Variants in CBLB observed in about 807,000 individuals in gnomAD.
CBLB encodes the protein Cbl proto-oncogene B.
In CBLB, 31 loss-of-function variants were observed where a neutral mutation model predicts 104.9. The ratio of observed to expected loss-of-function variants is 0.30; its 90% CI spans 0.22 to 0.40. CBLB has a LOEUF of 0.40. Ranked by LOEUF, CBLB falls within the 10% of genes least tolerant of loss-of-function variation. The probability of loss-of-function intolerance (pLI) is 1.00; values close to 1 mark genes in which losing one functional copy is unlikely to be tolerated. For missense variants in CBLB, 1,062 were observed against 1,214.6 expected, an observed-to-expected ratio of 0.87 and a Z score of 1.87; for synonymous variants, 440 against 422.6, an observed-to-expected ratio of 1.04 and a Z score of -0.51.
intron 3 of CBLB, among the ~76,000 whole-genome samples, chr3:105,792,546 T>A (rs1443697935): frequency 1.3e-5 from 2 of 152,174 alleles, no homozygotes; most frequent in Non-Finnish European, 2.9e-5. Context: ...CTTTTCACAT[T>A]TGTAAATATC....
chr3:105,725,623 C>G (rs1045385046), intron 9 of CBLB, among the ~76,000 whole-genome samples: 3 of 152,156 alleles, frequency 2.0e-5, no homozygotes, highest in African/African-American at 7.2e-5. Flanking sequence ...ACTCTCGCAG[C>G]TTCTTTATTA....
chr3:105,850,309 T>C (rs1300443618), intron 3 of CBLB, among the ~76,000 whole-genome samples: 1 of 152,096 alleles, frequency 6.6e-6, no homozygotes, highest in African/African-American at 2.4e-5. Context: ...CCAGTATTCA[T>C]AGAAAATTTA....
rs1382364837 is a variant in CBLB at position 105,702,857 on chromosome 3, G to GT, written c.1594-399dup. 1.2e-4 allele frequency among the ~76,000 whole-genome samples: 18 copies of GT among 152,196 alleles called. 1 individual carries two copies. Among genetic ancestry groups the GT allele is most frequent in the East Asian group, 7.7e-4 (4 of 5,184 alleles). On this transcript the variant is annotated intron_variant, in intron 11 of 18. Coordinates refer to ENST00000394030, the MANE Select transcript of CBLB (RefSeq NM_170662.5). ...GTCATGGTTTCAGTTTTTTTAAAGA[G>GT]TAACTTGATTTGTAATATTTGTAAT...
intron 9 of CBLB, among the ~76,000 whole-genome samples, chr3:105,729,655 G>A (rs1384835550): frequency 6.6e-6 from 1 of 152,014 alleles, no homozygotes; most frequent in Non-Finnish European, 1.5e-5. Flanking sequence ...GCAATATTTT[G>A]TGGAACTATG....
rs752277437 is a variant in CBLB, at chr3:105,868,921, A to G, written c.-200T>C. 1.0e-4 allele frequency: 103 copies of G among 1,016,138 alleles called. No individual in the cohort carries two copies. The highest frequency in any genetic ancestry group is 3.6e-4 in the Admixed American group (6 of 16,732). The allele number at this position is 1,016,138 out of a possible 1,614,324, so 62.9% of individuals were successfully genotyped here. ...GAAACGCAACAATTACCGTCAAGAC[A>G]AATCCACACCCGCTCTCCCCTCCCG... On this transcript the variant is annotated 5_prime_UTR_variant, in exon 1 of 19. Transcript: ENST00000394030.
chr3:105,824,570 C>T (rs1289736639), intron 3 of CBLB, among the ~76,000 whole-genome samples: 2 of 152,044 alleles, frequency 1.3e-5, no homozygotes, highest in East Asian at 3.9e-4. Flanking sequence ...TGCAATCTCC[C>T]CACTCTGGGC....
rs555019049 is a variant in CBLB, at chr3:105,768,560, A to G, written c.566+7836T>C. ...CAACCATTTACAAAGTAGTTTAAAG[A>G]TTATATTGAAAATGAGGCTAGCATA... On this transcript the variant is annotated intron_variant, in intron 4 of 18. Coordinates refer to ENST00000394030, the MANE Select transcript of CBLB (RefSeq NM_170662.5). 5.8e-4 allele frequency among the ~76,000 whole-genome samples: 88 copies of G among 152,244 alleles called. 1 individual carries two copies. Among genetic ancestry groups the G allele is most frequent in the Admixed American group, 1.2e-3 (18 of 15,280 alleles).
chr3:105,777,595 T>C (rs2079635138), intron 3 of CBLB, among the ~76,000 whole-genome samples: 1 of 152,114 alleles, frequency 6.6e-6, no homozygotes, highest in East Asian at 1.9e-4. Flanking sequence ...CACTTCAGCA[T>C]GGGTAACAGG....
chr3:105,810,434 A>G (rs1202617280), intron 3 of CBLB, among the ~76,000 whole-genome samples: 2 of 152,156 alleles, frequency 1.3e-5, no homozygotes, highest in Non-Finnish European at 2.9e-5. Flanking sequence ...CCTAAGACAT[A>G]CACCACAGCT....
chr3:105,682,723 A>T (rs780818840), intron 14 of CBLB, among the ~76,000 whole-genome samples: 1 of 152,022 alleles, frequency 6.6e-6, no homozygotes, highest in Non-Finnish European at 1.5e-5. Context: ...GGCTGGTCTC[A>T]AACTCCTGGC....
chr3:105,867,981 G>T (rs2153164386), intron 1 of CBLB, among the ~76,000 whole-genome samples: 1 of 151,240 alleles, frequency 6.6e-6, no homozygotes, highest in Non-Finnish European at 1.5e-5. Flanking sequence ...CAAAATACCA[G>T]AACAACTGAA....
At chr3:105,746,795 C>T (rs1466504931) in intron 5 of CBLB, among the ~76,000 whole-genome samples, 1 of 152,196 alleles carries the variant, frequency 6.6e-6, no homozygotes, top group Non-Finnish European at 1.5e-5. Flanking sequence ...CCATAAGCTA[C>T]ATAAGGGCAA....
At position 105,678,451 on chromosome 3, in the gene CBLB, T is replaced by C. The variant is rs1231143130; in HGVS notation, c.2549A>G (p.Asp850Gly). 4 of 1,613,972 alleles carry C rather than the reference T, an allele frequency of 2.5e-6. No individual in the cohort carries two copies. The highest frequency in any genetic ancestry group is 1.7e-5 in the Admixed American group (1 of 60,006). Residue 850 changes from aspartate (D) to glycine (G), a missense_variant, in exon 17 of 19, where the codon GAT becomes GGT. Around this residue, in one of 2 missense-constraint regions of CBLB, gnomAD observed 605 missense variants for 582.6 expected, o/e 1.04. Transcript: ENST00000394030. The stretch of plus-strand genomic sequence containing the variant: ...CCTACCTGAAGGAAGAAGAAAAAGA[T>C]CCTGTCCTGAGGATGGCCGGCTACT... Reference protein sequence around the residue: ...GSSSRPSSGQDLFLLPSDPFV... With the variant: ...GSSSRPSSGQGLFLLPSDPFV...
At chr3:105,799,175 AAC>A (rs2082560789) in intron 3 of CBLB, among the ~76,000 whole-genome samples, 1 of 141,092 alleles carries the variant, frequency 7.1e-6, no homozygotes, top group Non-Finnish European at 1.5e-5. Context: ...AATGACAAAG[AAC>A]AAAAAAAAAA....
At chr3:105,762,876 A>C (rs1441631482) in intron 4 of CBLB, among the ~76,000 whole-genome samples, 1 of 152,154 alleles carries the variant, frequency 6.6e-6, no homozygotes, top group African/African-American at 2.4e-5. Context: ...TGCACCATGC[A>C]CCTGGAAAAG....
intron 3 of CBLB, among the ~76,000 whole-genome samples, chr3:105,848,354 G>GCATATA (rs1241103120): frequency 6.6e-6 from 1 of 152,042 alleles, no homozygotes; most frequent in Non-Finnish European, 1.5e-5. Context: ...TACTTCAGTA[G>GCATATA]CATATACAAT....
intron 3 of CBLB, among the ~76,000 whole-genome samples, chr3:105,846,877 T>C (rs554199169): frequency 2.6e-5 from 4 of 152,240 alleles, no homozygotes; most frequent in South Asian, 2.1e-4. Flanking sequence ...TCTCTTTATA[T>C]GGTAAACTGA....
intron 4 of CBLB, among the ~76,000 whole-genome samples, chr3:105,767,562 C>CTTTTTTTTTTTTTTT (rs34794014): frequency 7.1e-6 from 1 of 141,144 alleles, no homozygotes; most frequent in Admixed American, 7.0e-5. Context: ...CTTTTTCTTT[C>CTTTTTTTTTTTTTTT]TTTTTTTTTT....
At chr3:105,770,075 A>G (rs1184222633) in intron 4 of CBLB, among the ~76,000 whole-genome samples, 2 of 151,710 alleles carry the variant, frequency 1.3e-5, no homozygotes, top group Non-Finnish European at 2.9e-5. Context: ...TCTCAATGCT[A>G]ATTTTTGTTT....
Sources: allele counts gnomAD v4.1 joint callset (sites outside exome capture counted in the v4.1 genomes callset), GRCh38; gene constraint gnomAD v4.1.1; regional missense constraint gnomAD v4.1.1; transcripts MANE v1.5; gene names NCBI Gene and HGNC (gene_info 2026-07-23, HGNC 2026-07-21).